SEMA3A: variants seen among roughly 807,000 people sequenced by gnomAD.
SEMA3A encodes semaphorin 3A.
SEMA3A carries 29 observed loss-of-function variants against 97.9 expected under a neutral mutation model. That is an observed-to-expected ratio of 0.30 (90% confidence interval 0.22 to 0.40). The LOEUF is 0.40. Ranked by LOEUF, SEMA3A falls within the 10% of genes least tolerant of loss-of-function variation. The pLI, the probability that SEMA3A is intolerant of heterozygous loss-of-function variation, is 1.00. For synonymous variants in SEMA3A, 321 were observed against 323.7 expected (o/e 0.99, Z 0.09); for missense variants, 763 against 951.3 (o/e 0.80, Z 2.60).
intron 1 of SEMA3A, among the ~76,000 whole-genome samples, chr7:84,395,558 T>C (rs1003783155): frequency 1.3e-5 from 2 of 151,822 alleles, no homozygotes; most frequent in Non-Finnish European, 2.9e-5. Context: ...TCCCCACATG[T>C]CAAGGGGGGG....
At chr7:84,311,149 T>C (rs1801304224) in intron 2 of SEMA3A, among the ~76,000 whole-genome samples, 1 of 151,946 alleles carries the variant, frequency 6.6e-6, no homozygotes, top group Admixed American at 6.6e-5. Context: ...AAATACTTGT[T>C]AAACATACTA....
At chr7:84,481,069 G>T (rs1234090486) in intron 1 of SEMA3A, among the ~76,000 whole-genome samples, 1 of 152,144 alleles carries the variant, frequency 6.6e-6, no homozygotes, top group East Asian at 1.9e-4. Context: ...GGAAAAGTGT[G>T]AGGAGAGAGT....
chr7:84,310,795 G>A (rs1000086048), intron 2 of SEMA3A, among the ~76,000 whole-genome samples: 3 of 151,872 alleles, frequency 2.0e-5, no homozygotes, highest in Non-Finnish European at 4.4e-5. Flanking sequence ...TATTAATATT[G>A]CTAGAAAATT....
At chr7:84,197,553 G>GT, upstream of SEMA3A, among the ~76,000 whole-genome samples, 2 of 151,744 alleles carry the variant, frequency 1.3e-5, no homozygotes, top group East Asian at 3.9e-4. Flanking sequence ...GAATAAAATT[G>GT]TTTAACTTTT....
At chr7:84,257,431 AATATACACATCTATTCCCT>A (rs1384950747) in intron 3 of SEMA3A, among the ~76,000 whole-genome samples, 3 of 152,140 alleles carry the variant, frequency 2.0e-5, no homozygotes, top group Non-Finnish European at 4.4e-5. Flanking sequence ...TACATTATTA[AATATACACATCTATTCCCT>A]TTAATTTTCT....
intron 2 of SEMA3A, among the ~76,000 whole-genome samples, chr7:84,317,671 T>C (rs1801541348): frequency 6.6e-6 from 1 of 152,220 alleles, no homozygotes; most frequent in African/African-American, 2.4e-5. Flanking sequence ...ACATTCACCA[T>C]ACTTGACTAT....
intron 15 of SEMA3A, among the ~76,000 whole-genome samples, chr7:83,975,196 A>C (rs948275536): frequency 6.6e-6 from 1 of 152,114 alleles, no homozygotes; most frequent in Non-Finnish European, 1.5e-5. Flanking sequence ...TTTTCCCCAT[A>C]TATATTTACA....
chr7:84,150,342 C>T (rs1796594322), intron 1 of SEMA3A, among the ~76,000 whole-genome samples: 1 of 152,196 alleles, frequency 6.6e-6, no homozygotes, highest in African/African-American at 2.4e-5. Flanking sequence ...GTTCATCTCA[C>T]TGGGGAGTGC....
At chr7:84,196,181 T>C (rs894372433), upstream of SEMA3A, among the ~76,000 whole-genome samples, 1 of 150,122 alleles carries the variant, frequency 6.7e-6, no homozygotes, top group African/African-American at 2.5e-5. Flanking sequence ...ACTTCAATAG[T>C]AGGGAAACTT....
At chr7:84,387,466 G>A (rs953380558) in intron 1 of SEMA3A, among the ~76,000 whole-genome samples, 10 of 152,074 alleles carry the variant, frequency 6.6e-5, no homozygotes, top group Non-Finnish European at 1.3e-4. Flanking sequence ...GTTAGGAGAA[G>A]CACAGATTAA....
At chr7:84,303,832 G>T (rs1801085671) in intron 3 of SEMA3A, among the ~76,000 whole-genome samples, 1 of 152,068 alleles carries the variant, frequency 6.6e-6, no homozygotes, top group South Asian at 2.1e-4. Flanking sequence ...TGTAGTTTAG[G>T]CTGTGCTGCC....
intron 1 of SEMA3A, among the ~76,000 whole-genome samples, chr7:84,464,521 A>C (rs1206449953): frequency 1.3e-5 from 2 of 152,196 alleles, no homozygotes; most frequent in African/African-American, 2.4e-5. Context: ...AAGTAAATGA[A>C]AGAACGAAAG....
intron 15 of SEMA3A, among the ~76,000 whole-genome samples, chr7:83,967,738 G>C (rs1788759615): frequency 6.6e-6 from 1 of 152,100 alleles, no homozygotes; most frequent in Non-Finnish European, 1.5e-5. Context: ...CTGGGTGACA[G>C]AGCAAGACTC....
chr7:84,250,156 A>T (rs1200240660), intron 3 of SEMA3A, among the ~76,000 whole-genome samples: 4 of 152,054 alleles, frequency 2.6e-5, no homozygotes, highest in Non-Finnish European at 5.9e-5. Flanking sequence ...TTGAAAAATT[A>T]ATGTATAGAA....
chr7:84,259,838 GA>G lies in SEMA3A; in HGVS notation c.-83+47368del, dbSNP rs200122432. ...ACAAAAAAAAAAAAAGAAAAGAAAG[GA>G]AAAAAAAGAGCAAGCAAGTAGAGAA... On this transcript the variant is annotated intron_variant, in intron 3 of 3. Transcript: ENST00000424555. 3.8e-3 allele frequency among the ~76,000 whole-genome samples: 578 copies of G among 150,454 alleles called. 3 individuals are homozygous for G. Among genetic ancestry groups the G allele is most frequent in the African/African-American group, 0.013 (528 of 41,050 alleles).
chr7:83,968,836 A>T (rs1788816138), intron 15 of SEMA3A, among the ~76,000 whole-genome samples: 1 of 111,462 alleles, frequency 9.0e-6, no homozygotes. Context: ...TTGGAGAAAG[A>T]GTCTCACTCT....
At chr7:83,989,911 A>T (rs797811) in intron 12 of SEMA3A, among the ~76,000 whole-genome samples, 114,916 of 149,156 alleles carry the variant, frequency 0.77, 44,698 homozygotes, top group East Asian at 0.88. Flanking sequence ...CCACAATGGT[A>T]GAACTAGTTT....
chr7:84,376,710 T>C (rs1339439542), intron 1 of SEMA3A, among the ~76,000 whole-genome samples: 2 of 151,986 alleles, frequency 1.3e-5, no homozygotes, highest in Middle Eastern at 3.4e-3. Flanking sequence ...TTAAGATGAC[T>C]TCTCATTCTG....
chr7:84,086,328 C>G (rs1794340010), intron 4 of SEMA3A, among the ~76,000 whole-genome samples: 1 of 151,406 alleles, frequency 6.6e-6, no homozygotes, highest in Admixed American at 6.6e-5. Flanking sequence ...ATCTGCTGCT[C>G]TGTAGTTGTG....
Sources: gnomAD v4.1 joint callset for allele counts (sites outside exome capture counted in the v4.1 genomes callset) on GRCh38, gnomAD v4.1.1 for gene constraint, MANE v1.5 for transcripts, NCBI Gene and HGNC (gene_info 2026-07-23, HGNC 2026-07-21) for gene names.